ZFHX3: variants seen among roughly 807,000 people sequenced by gnomAD.
The protein encoded by ZFHX3 is zinc finger homeobox protein 3.
A neutral mutation model predicts 279.1 loss-of-function variants in ZFHX3; 42 were observed. That is an observed-to-expected ratio of 0.15 (90% CI 0.12 to 0.19). The LOEUF (loss-of-function observed/expected upper bound fraction) is 0.19, where lower values mean the gene tolerates loss of function less well. Among genes scored for constraint, ZFHX3 ranks in the 10% least tolerant of loss-of-function variants. The probability of loss-of-function intolerance (pLI) is 1.00; values close to 1 mark genes in which losing one functional copy is unlikely to be tolerated. For missense variants in ZFHX3, 4,981 were observed against 4,754.0 expected (o/e 1.05, Z -1.40); for synonymous variants, 2,293 against 1,957.8 (o/e 1.17, Z -4.52).
chr16:73,814,481 T>C (rs1960509393), intron 1 of ZFHX3, among the ~76,000 whole-genome samples: 1 of 152,244 alleles, frequency 6.6e-6, no homozygotes, highest in Non-Finnish European at 1.5e-5. Context: ...GGTAGACTTT[T>C]GGTAAAGATG....
chr16:73,804,883 A>C (rs1313658649), intron 1 of ZFHX3, among the ~76,000 whole-genome samples: 9 of 113,794 alleles, frequency 7.9e-5, no homozygotes, highest in Admixed American at 7.5e-4. Context: ...ACACACACAC[A>C]CCCACACCAA....
chr16:73,281,858 T>C (rs1332724521), intron 4 of ZFHX3, among the ~76,000 whole-genome samples: 1 of 151,990 alleles, frequency 6.6e-6, no homozygotes, highest in Non-Finnish European at 1.5e-5. Context: ...TCAGAGAATA[T>C]AAATATGATC....
At chr16:73,571,810 AG>A (rs541129629) in intron 2 of ZFHX3, among the ~76,000 whole-genome samples, 1 of 152,206 alleles carries the variant, frequency 6.6e-6, no homozygotes, top group Non-Finnish European at 1.5e-5. Flanking sequence ...TTGTCGTGAA[AG>A]GGGTGTCTCA....
chr16:72,958,743 T>G lies in ZFHX3; in HGVS notation c.1403A>C (p.Glu468Ala), dbSNP rs1961396457. ...CTCCTCCTCCTCCGCCTCTTCCTCCTCCTCTTCCTCCTCCGCCTCCTCTTC... is the reference window on the plus strand; with the variant it reads ...CTCCTCCTCCTCCGCCTCTTCCTCCGCCTCTTCCTCCTCCGCCTCCTCTTC... ...PAEEEAEEEE[E>A]EEEAEEEEEE... The change falls in exon 2 of 10, where the codon GAG becomes GCG. Residue 468 changes from glutamate (E) to alanine (A), a missense_variant. By Grantham distance (107) the Glu-to-Ala change is moderately radical. Around this residue, in one of 7 missense-constraint regions of ZFHX3, gnomAD observed 1,068 missense variants for 935.2 expected, o/e 1.14. Coordinates refer to ENST00000268489, the MANE Select transcript of ZFHX3 (RefSeq NM_006885.4). 1 of 1,612,156 alleles carries G rather than the reference T, an allele frequency of 6.2e-7. No individual in the cohort carries two copies. The highest frequency in any genetic ancestry group is 8.5e-7 in the Non-Finnish European group (1 of 1,178,804).
intron 1 of ZFHX3, among the ~76,000 whole-genome samples, chr16:73,709,473 T>G (rs950841272): frequency 2.0e-5 from 3 of 152,120 alleles, no homozygotes; most frequent in African/African-American, 7.2e-5. Flanking sequence ...ACCCTCTCAT[T>G]TGCAACAACG....
chr16:73,026,459 G>A (rs1964503826), intron 1 of ZFHX3, among the ~76,000 whole-genome samples: 1 of 151,998 alleles, frequency 6.6e-6, no homozygotes, highest in Non-Finnish European at 1.5e-5. Context: ...ATCACCTGAG[G>A]TTAGGAGTTC....
At chr16:73,390,811 C>T (rs1376538746) in intron 3 of ZFHX3, among the ~76,000 whole-genome samples, 1 of 151,922 alleles carries the variant, frequency 6.6e-6, no homozygotes, top group African/African-American at 2.4e-5. Flanking sequence ...CACTTCTCCC[C>T]CTGGTGTACC....
intron 1 of ZFHX3, among the ~76,000 whole-genome samples, chr16:73,019,123 T>A (rs2359171): frequency 0.21 from 32,062 of 152,126 alleles, 3,600 homozygotes; most frequent in East Asian, 0.31. Flanking sequence ...GAGTTGGGAT[T>A]AAAGCCACTT....
In ZFHX3 at chr16:72,964,260, T is replaced by G. The variant is rs539636214; in HGVS notation, c.-49-4066A>C. ...ATGCATGGAGATTTAAGTTTATTCA[T>G]GAAAAACATAACAGGAAAAAAGAGG... On this transcript the variant is annotated intron_variant, in intron 1 of 9. Coordinates refer to ENST00000268489, the MANE Select transcript of ZFHX3 (RefSeq NM_006885.4). 1.1e-4 allele frequency among the ~76,000 whole-genome samples: 16 copies of G among 152,186 alleles called. No individual in the cohort carries two copies. The South Asian group carries it at 3.3e-3, about 32-fold the overall frequency.
intron 4 of ZFHX3, among the ~76,000 whole-genome samples, chr16:73,268,655 T>A (rs1377361487): frequency 1.3e-5 from 2 of 152,196 alleles, no homozygotes; most frequent in Admixed American, 6.5e-5. Flanking sequence ...CCGCCAAGAA[T>A]TACAGCTAAT....
chr16:73,631,424 T>A (rs1303803277), intron 2 of ZFHX3, among the ~76,000 whole-genome samples: 1 of 152,238 alleles, frequency 6.6e-6, no homozygotes, highest in Non-Finnish European at 1.5e-5. Context: ...AATCTCCATG[T>A]ATCTACCATC....
At chr16:73,834,723 TCTA>T (rs1961091224) in intron 1 of ZFHX3, among the ~76,000 whole-genome samples, 1 of 152,198 alleles carries the variant, frequency 6.6e-6, no homozygotes, top group Admixed American at 6.5e-5. Flanking sequence ...AAACCCTGTC[TCTA>T]CTAAAAATAC....
At chr16:73,082,717 T>C (rs1255800545) in intron 8 of ZFHX3, among the ~76,000 whole-genome samples, 2 of 152,168 alleles carry the variant, frequency 1.3e-5, no homozygotes, top group Non-Finnish European at 2.9e-5. Flanking sequence ...GCAGTCCCAA[T>C]TGTTTCTCTT....
intron 3 of ZFHX3, among the ~76,000 whole-genome samples, chr16:72,897,872 G>A (rs1270309806): frequency 6.6e-6 from 1 of 152,012 alleles, no homozygotes; most frequent in Non-Finnish European, 1.5e-5. Context: ...GGAGGAAACA[G>A]GACCAGAGCC....
Position 73,345,177 on chromosome 16 carries a change from C to T in ZFHX3, c.-1290-26841G>A, listed in dbSNP as rs532536259. On this transcript the variant is annotated intron_variant, in intron 3 of 17. Transcript: ENST00000641206. ...GGAAATATTATCCAATTAGACACAG[C>T]TATTTTCTTTTATTTTCAGACAATA... is the stretch of plus-strand genomic sequence containing the variant. Among the ~76,000 whole-genome samples the T allele has an allele frequency of 5.3e-5, 8 of 152,138 alleles. No homozygotes were observed. The East Asian group carries it at 1.5e-3, about 29-fold the overall frequency.
intron 1 of ZFHX3, among the ~76,000 whole-genome samples, chr16:73,830,382 G>T (rs1960960987): frequency 6.6e-6 from 1 of 151,800 alleles, no homozygotes; most frequent in Admixed American, 6.6e-5. Flanking sequence ...GCTCACGCTG[G>T]GAGCTGTAGA....
At chr16:73,274,574 A>C (rs1447832116) in intron 4 of ZFHX3, among the ~76,000 whole-genome samples, 1 of 152,170 alleles carries the variant, frequency 6.6e-6, no homozygotes, top group East Asian at 1.9e-4. Flanking sequence ...GGTGTTCCAC[A>C]CTATTTATTA....
At chr16:73,683,643 G>C (rs2053049608) in intron 1 of ZFHX3, among the ~76,000 whole-genome samples, 1 of 151,988 alleles carries the variant, frequency 6.6e-6, no homozygotes, top group Non-Finnish European at 1.5e-5. Context: ...CTGGACTCAA[G>C]TGATTCTCCT....
chr16:73,751,079 CTG>C (rs2053758056), intron 1 of ZFHX3, among the ~76,000 whole-genome samples: 1 of 152,164 alleles, frequency 6.6e-6, no homozygotes, highest in Admixed American at 6.6e-5. Flanking sequence ...TGTGGTGACT[CTG>C]TTGTGGGGAA....
Sources: gnomAD v4.1 joint callset for allele counts (sites outside exome capture counted in the v4.1 genomes callset) on GRCh38, gnomAD v4.1.1 for gene constraint, gnomAD v4.1.1 regional missense constraint, MANE v1.5 for transcripts, NCBI Gene and HGNC (gene_info 2026-07-23, HGNC 2026-07-21) for gene names.